The following MCU variants were observed in gnomAD, a reference collection of about 807,000 sequenced individuals.
MCU encodes calcium uniporter protein, mitochondrial.
A neutral mutation model predicts 45.2 loss-of-function variants in MCU; 12 were observed. The observed-to-expected ratio is 0.27, with a 90% CI of 0.17 to 0.43. The LOEUF is 0.43. MCU is among the 20% of genes least tolerant of loss of function. MCU has a pLI of 1.00. For missense variants in MCU, 324 were observed against 436.7 expected (o/e 0.74, Z 2.30); for synonymous variants, 160 against 165.1 (o/e 0.97, Z 0.24).
At chr10:72,758,675 T>C (rs936743341) in intron 1 of MCU, among the ~76,000 whole-genome samples, 3 of 152,196 alleles carry the variant, frequency 2.0e-5, no homozygotes, top group African/African-American at 7.2e-5. Context: ...ACCAATGCTT[T>C]TGCTGAATGG....
chr10:72,775,201 C>T (rs1373084287), intron 1 of MCU, among the ~76,000 whole-genome samples: 1 of 152,112 alleles, frequency 6.6e-6, no homozygotes, highest in Non-Finnish European at 1.5e-5. Context: ...AGTATCTTTT[C>T]TGACCACACG....
chr10:72,797,228 TTTA>T (rs1844263046), intron 1 of MCU, among the ~76,000 whole-genome samples: 1 of 149,848 alleles, frequency 6.7e-6, no homozygotes, highest in African/African-American at 2.5e-5. Context: ...TTTATTTTAT[TTTA>T]TTTTTTTTTT....
chr10:72,874,577 C>T (rs925926240), intron 6 of MCU, among the ~76,000 whole-genome samples: 47 of 152,144 alleles, frequency 3.1e-4, no homozygotes, highest in Non-Finnish European at 5.9e-5. Context: ...TTTAACTTTT[C>T]TTGGCCTCCC....
At chr10:72,810,498 G>A (rs530998430) in intron 1 of MCU, among the ~76,000 whole-genome samples, 155 of 112,412 alleles carry the variant, frequency 1.4e-3, no homozygotes, top group Non-Finnish European at 2.2e-3. Context: ...ACGGAGTTTC[G>A]CTCTTGTTGC....
At chr10:72,822,994 C>T (rs143260329) in intron 1 of MCU, among the ~76,000 whole-genome samples, 8 of 152,232 alleles carry the variant, frequency 5.3e-5, no homozygotes, top group African/African-American at 1.9e-4. Flanking sequence ...CCATGGGACC[C>T]CACAATTCTA....
At chr10:72,783,979 C>T (rs894982880) in intron 1 of MCU, among the ~76,000 whole-genome samples, 4 of 152,182 alleles carry the variant, frequency 2.6e-5, no homozygotes, top group African/African-American at 7.2e-5. Flanking sequence ...TTACCAGCCC[C>T]CAAAAGTCAA....
intron 4 of MCU, among the ~76,000 whole-genome samples, chr10:72,865,986 C>T (rs1034880036): frequency 6.6e-6 from 1 of 150,638 alleles, no homozygotes; most frequent in African/African-American, 2.4e-5. Context: ...ACCATGTTAG[C>T]CAGAATGGTC....
chr10:72,853,793 G>T (rs980322897), intron 2 of MCU, among the ~76,000 whole-genome samples: 2 of 151,910 alleles, frequency 1.3e-5, no homozygotes, highest in Admixed American at 1.3e-4. Context: ...GAGGCAGGAG[G>T]ATTGCTTGAG....
Position 72,792,407 on chromosome 10 carries a change from T to G in MCU, c.151-41952T>G, listed in dbSNP as rs530251544. Among the ~76,000 whole-genome samples, 6 of 152,270 alleles carry G rather than the reference T, an allele frequency of 3.9e-5. No homozygotes were observed. In the East Asian group the frequency reaches 1.2e-3, roughly 29 times the overall value. On this transcript the variant is annotated intron_variant, in intron 1 of 7. Transcript: ENST00000373053. ...AGAAGCTTTGTTTAAAAATTTGGAATCAGCGGAAAAGAATGTTAAACTGCT... is the reference window on the plus strand; with the variant it reads ...AGAAGCTTTGTTTAAAAATTTGGAAGCAGCGGAAAAGAATGTTAAACTGCT...
intron 1 of MCU, among the ~76,000 whole-genome samples, chr10:72,723,707 G>A (rs1272009046): frequency 2.0e-5 from 3 of 152,184 alleles, no homozygotes; most frequent in Non-Finnish European, 4.4e-5. Context: ...CAGAGTGGCT[G>A]TATCAGTATT....
chr10:72,839,997 G>A (rs1181603351), intron 2 of MCU, among the ~76,000 whole-genome samples: 1 of 150,178 alleles, frequency 6.7e-6, no homozygotes, highest in African/African-American at 2.4e-5. Context: ...AGCTGCTGCT[G>A]GCATTTGCCT....
chr10:72,834,547 G>T (rs1404965557), intron 2 of MCU, 119 bp downstream of exon 2: 2 of 728,886 alleles, frequency 2.7e-6, no homozygotes, highest in Admixed American at 2.8e-5. Context: ...TGGGCTTAGG[G>T]GTCAGAGAGA....
rs536203368 is a variant in MCU, at chr10:72,887,544, T to C, written c.*1722T>C. ...GTGCAACGAGCAAATCTTTTTGGGG[T>C]GTGTGGGAAGCAAGGGAGGGAGGAC... On this transcript the variant is annotated 3_prime_UTR_variant, in exon 8 of 8. Transcript: ENST00000373053. The C allele has an allele frequency of 1.3e-5, 2 of 152,714 alleles. No individual in the cohort carries two copies. The highest frequency in any genetic ancestry group is 4.2e-4 in the South Asian group (2 of 4,814). 9.5% of individuals were successfully genotyped at this position (152,714 alleles called of 1,614,324 possible). A position where few individuals can be genotyped will look rare whatever the true frequency, so the allele number is the denominator to read the frequency against.
intron 1 of MCU, among the ~76,000 whole-genome samples, chr10:72,831,221 A>G (rs1015825910): frequency 3.3e-5 from 5 of 152,246 alleles, no homozygotes; most frequent in Admixed American, 6.5e-5. Flanking sequence ...TTTTATAACA[A>G]CCTGTCAAAA....
intron 5 of MCU, among the ~76,000 whole-genome samples, chr10:72,869,948 A>G (rs1032533067): frequency 2.0e-5 from 3 of 152,164 alleles, no homozygotes; most frequent in South Asian, 4.1e-4. Flanking sequence ...CTATGATCCA[A>G]TTTTTAAATG....
intron 1 of MCU, among the ~76,000 whole-genome samples, chr10:72,696,436 G>A (rs1401863378): frequency 2.6e-5 from 4 of 151,744 alleles, no homozygotes; most frequent in Non-Finnish European, 5.9e-5. Context: ...TCTATAATTC[G>A]TTACTAGAAA....
At chr10:72,698,798 C>T (rs368689785) in intron 1 of MCU, among the ~76,000 whole-genome samples, 56 of 152,124 alleles carry the variant, frequency 3.7e-4, no homozygotes, top group African/African-American at 1.3e-3. Flanking sequence ...AGCCACCATG[C>T]TCAGCCCTTT....
At chr10:72,728,754 C>T (rs1158509848) in intron 1 of MCU, among the ~76,000 whole-genome samples, 7 of 152,086 alleles carry the variant, frequency 4.6e-5, no homozygotes, top group African/African-American at 1.7e-4. Context: ...ATTTCCTTTC[C>T]TACTCTGAGA....
intron 1 of MCU, among the ~76,000 whole-genome samples, chr10:72,790,660 T>A (rs1029257586): frequency 1.3e-5 from 2 of 152,206 alleles, no homozygotes; most frequent in African/African-American, 4.8e-5. Flanking sequence ...AACTGGATAT[T>A]CCTGGGATTC....
Sources: gnomAD v4.1 joint callset for allele counts (sites outside exome capture counted in the v4.1 genomes callset) on GRCh38, gnomAD v4.1.1 for gene constraint, MANE v1.5 for transcripts, NCBI Gene and HGNC (gene_info 2026-07-23, HGNC 2026-07-21) for gene names.